Variants in CEP63 observed in about 807,000 individuals in gnomAD.
CEP63 encodes the protein centrosomal protein 63, also known as centrosomal protein of 63 kDa.
In CEP63, 84 loss-of-function variants were observed where a neutral mutation model predicts 89.1. The ratio of observed to expected loss-of-function variants is 0.94; its 90% CI spans 0.79 to 1.13. The LOEUF is 1.13. Among genes scored for constraint, CEP63 ranks in the 50% most tolerant of loss-of-function variants. The probability of loss-of-function intolerance (pLI) is 0.00; values close to 1 mark genes in which losing one functional copy is unlikely to be tolerated. For synonymous variants in CEP63, 267 were observed against 272.5 expected (o/e 0.98, Z 0.20); for missense variants, 838 against 813.3 (o/e 1.03, Z -0.37).
chr3:134,709,095 T>A, the CEP63 span, among the ~76,000 whole-genome samples: 5 of 152,220 alleles, frequency 3.3e-5, no homozygotes, highest in East Asian at 1.9e-4. Flanking sequence ...GGATATTTTT[T>A]AATGAAGACC....
At chr3:134,636,897 G>A in the CEP63 span, among the ~76,000 whole-genome samples, 1 of 152,070 alleles carries the variant, frequency 6.6e-6, no homozygotes, top group Admixed American at 6.5e-5. Flanking sequence ...TTCTTATTTT[G>A]TGAATTGGCT....
At chr3:134,610,219 GTGTCCACCAGGCCGCTGCCCCAGGTGC>G in the CEP63 span, 1 of 1,613,356 alleles carries the variant, frequency 6.2e-7, no homozygotes, top group Non-Finnish European at 8.5e-7. Context: ...GGAGGTGATG[GTGTCCACCAGGCCGCTGCCCCAGGTGC>G]TGTCCACCAG....
At chr3:134,512,146 A>G (rs1279366789) in intron 3 of CEP63, among the ~76,000 whole-genome samples, 1 of 152,184 alleles carries the variant, frequency 6.6e-6, no homozygotes, top group African/African-American at 2.4e-5. Flanking sequence ...TGTCTGTTAC[A>G]CTGAACGGTG....
chr3:134,516,641 G>A (rs980833174), intron 3 of CEP63, among the ~76,000 whole-genome samples: 27 of 152,176 alleles, frequency 1.8e-4, no homozygotes, highest in African/African-American at 6.3e-4. Flanking sequence ...GAGTGGTGAT[G>A]ACTCTTAAGG....
chr3:134,557,382 T>G (rs867559696), intron 12 of CEP63, among the ~76,000 whole-genome samples: 1,550 of 107,108 alleles, frequency 0.014, 16 homozygotes, highest in African/African-American at 0.048. Flanking sequence ...ATTTGTTTTT[T>G]TTTTTTTTTT....
At chr3:134,643,849 C>T in the CEP63 span, among the ~76,000 whole-genome samples, 7 of 130,630 alleles carry the variant, frequency 5.4e-5, no homozygotes, top group African/African-American at 1.1e-4. Context: ...TTTTTTGAGA[C>T]GGAGTCTCGC....
the CEP63 span, chr3:134,624,951 C>T: frequency 9.8e-7 from 1 of 1,016,000 alleles, no homozygotes. Flanking sequence ...CCAACCAAGC[C>T]ACTCAGGATA....
intron 3 of CEP63, among the ~76,000 whole-genome samples, chr3:134,527,282 G>A (rs548289842): frequency 1.4e-4 from 21 of 152,124 alleles, no homozygotes; most frequent in Non-Finnish European, 2.2e-4. Context: ...TGGCTTGGGG[G>A]CAGGGCGCTG....
At chr3:134,582,856 T>C (rs1217978047) in intron 10 of CEP63, among the ~76,000 whole-genome samples, 3 of 152,224 alleles carry the variant, frequency 2.0e-5, no homozygotes, top group Non-Finnish European at 4.4e-5. Flanking sequence ...TCCTGACTTT[T>C]TAATGATTGC....
chr3:134,716,982 G>A, the CEP63 span, among the ~76,000 whole-genome samples: 2 of 152,174 alleles, frequency 1.3e-5, no homozygotes, highest in East Asian at 1.9e-4. Flanking sequence ...GGGCAACCTG[G>A]CTGCCAAATC....
downstream of CEP63, among the ~76,000 whole-genome samples, chr3:134,592,469 G>GGTGT (rs34973626): frequency 0.087 from 10,884 of 124,976 alleles, 699 homozygotes; most frequent in South Asian, 0.13. Context: ...TCTGCAAACT[G>GGTGT]GTGTGTGTGT....
the CEP63 span, among the ~76,000 whole-genome samples, chr3:134,750,186 A>G: frequency 1.3e-5 from 2 of 152,308 alleles, no homozygotes; most frequent in Admixed American, 6.5e-5. Flanking sequence ...TCCTTCAGGC[A>G]GGGCATTTTT....
At chr3:134,651,003 A>G in the CEP63 span, 21 of 1,611,386 alleles carry the variant, frequency 1.3e-5, no homozygotes, top group South Asian at 3.3e-5. Context: ...GCCGCACGCT[A>G]GGCTGCTTGC....
At chr3:134,603,780 G>A in the CEP63 span, 1 of 1,613,266 alleles carries the variant, frequency 6.2e-7, no homozygotes, top group Non-Finnish European at 8.5e-7. Context: ...ATTTGAATGG[G>A]ACATTCCGGT....
At chr3:134,701,470 A>T in the CEP63 span, among the ~76,000 whole-genome samples, 3 of 139,974 alleles carry the variant, frequency 2.1e-5, no homozygotes, top group Non-Finnish European at 4.6e-5. Context: ...ATACATACAC[A>T]CACACACATA....
At chr3:134,706,708 T>C in the CEP63 span, among the ~76,000 whole-genome samples, 1 of 152,194 alleles carries the variant, frequency 6.6e-6, no homozygotes, top group Non-Finnish European at 1.5e-5. Context: ...TTTCTCACAG[T>C]TCTGTAGGTT....
the CEP63 span, among the ~76,000 whole-genome samples, chr3:134,648,178 G>A: frequency 1.3e-5 from 2 of 152,312 alleles, no homozygotes; most frequent in African/African-American, 2.4e-5. Context: ...AGATCCTGGC[G>A]CGGAAGGAGT....
At chr3:134,644,382 T>G in the CEP63 span, among the ~76,000 whole-genome samples, 1 of 152,364 alleles carries the variant, frequency 6.6e-6, no homozygotes, top group African/African-American at 2.4e-5. Context: ...ACAGGCTTAC[T>G]TGCCCTCCCA....
chr3:134,569,086 C>T (rs1363865053), downstream of CEP63, among the ~76,000 whole-genome samples: 2 of 152,298 alleles, frequency 1.3e-5, no homozygotes, highest in Middle Eastern at 3.4e-3. Context: ...TGAGAAAGAC[C>T]TGCCCCCATG....
Sources: allele counts gnomAD v4.1 joint callset (sites outside exome capture counted in the v4.1 genomes callset), GRCh38; gene constraint gnomAD v4.1.1; transcripts MANE v1.5; gene names NCBI Gene and HGNC (gene_info 2026-07-23, HGNC 2026-07-21).